GRIA4: variants seen among roughly 807,000 people sequenced by gnomAD.
The protein encoded by GRIA4 is glutamate ionotropic receptor AMPA type subunit 4.
Under a neutral mutation model 104.0 loss-of-function variants are expected in GRIA4, and 34 were observed. The ratio of observed to expected loss-of-function variants is 0.33; its 90% CI spans 0.25 to 0.44. The LOEUF (loss-of-function observed/expected upper bound fraction) is 0.44, where lower values mean the gene tolerates loss of function less well. GRIA4 is among the 20% of genes least tolerant of loss of function. GRIA4 has a pLI of 1.00. For missense variants in GRIA4, 750 were observed against 1,096.5 expected, an observed-to-expected ratio of 0.68 and a Z score of 4.46; for synonymous variants, 386 against 381.9, an observed-to-expected ratio of 1.01 and a Z score of -0.13.
intron 14 of GRIA4, among the ~76,000 whole-genome samples, chr11:105,960,034 G>C (rs1035828074): frequency 6.6e-6 from 1 of 152,236 alleles, no homozygotes; most frequent in African/African-American, 2.4e-5. Context: ...CCTGATGCCA[G>C]TAGGATCGCT....
chr11:105,894,217 T>C (rs532507110), intron 6 of GRIA4, among the ~76,000 whole-genome samples: 2 of 152,288 alleles, frequency 1.3e-5, no homozygotes, highest in South Asian at 4.1e-4. Flanking sequence ...GATATTATGA[T>C]AATTAATAAA....
chr11:105,697,143 A>C (rs550147551), intron 3 of GRIA4, among the ~76,000 whole-genome samples: 55 of 152,148 alleles, frequency 3.6e-4, no homozygotes, highest in Non-Finnish European at 4.7e-4. Flanking sequence ...ATTATTTTCT[A>C]TTATAGAACA....
chr11:105,699,374 C>T (rs967502191), intron 3 of GRIA4, among the ~76,000 whole-genome samples: 3 of 152,130 alleles, frequency 2.0e-5, no homozygotes, highest in African/African-American at 7.2e-5. Context: ...TATACAAGAT[C>T]ACATCACATG....
chr11:105,729,914 G>A (rs1326660667), intron 3 of GRIA4, among the ~76,000 whole-genome samples: 1 of 152,164 alleles, frequency 6.6e-6, no homozygotes, highest in East Asian at 1.9e-4. Context: ...CAAACCCACA[G>A]CCAATATCAT....
intron 14 of GRIA4, among the ~76,000 whole-genome samples, chr11:105,971,158 A>G (rs1225734324): frequency 6.6e-6 from 1 of 152,200 alleles, no homozygotes; most frequent in African/African-American, 2.4e-5. Context: ...CTTAAAGTAC[A>G]TTAATATGCT....
At chr11:105,663,237 TA>T (rs556661992) in intron 3 of GRIA4, among the ~76,000 whole-genome samples, 1 of 151,942 alleles carries the variant, frequency 6.6e-6, no homozygotes, top group Non-Finnish European at 1.5e-5. Flanking sequence ...TCAAGGTTCA[TA>T]ACATTCCTAA....
At chr11:105,879,849 T>C (rs1426927724) in intron 5 of GRIA4, among the ~76,000 whole-genome samples, 1 of 152,168 alleles carries the variant, frequency 6.6e-6, no homozygotes, top group Admixed American at 6.5e-5. Context: ...TTTTCTCTTA[T>C]GAAAGATATA....
chr11:105,635,228 G>T (rs1247255067), intron 3 of GRIA4, among the ~76,000 whole-genome samples: 1 of 151,966 alleles, frequency 6.6e-6, no homozygotes, highest in African/African-American at 2.4e-5. Context: ...TGGTACTGGG[G>T]AAATTAACCT....
At chr11:105,655,512 G>A (rs561238233) in intron 3 of GRIA4, among the ~76,000 whole-genome samples, 32 of 151,824 alleles carry the variant, frequency 2.1e-4, no homozygotes, top group East Asian at 9.8e-4. Flanking sequence ...CAACAGGCCC[G>A]GGTGTGTGAT....
intron 4 of GRIA4, among the ~76,000 whole-genome samples, chr11:105,779,635 TA>T (rs879913123): frequency 0.014 from 1,914 of 135,018 alleles, 17 homozygotes; most frequent in African/African-American, 0.033. Context: ...AAAAGTATAA[TA>T]AAAAAAAAAA....
chr11:105,878,889 A>G (rs1004265739), intron 5 of GRIA4, among the ~76,000 whole-genome samples: 5 of 152,136 alleles, frequency 3.3e-5, no homozygotes, highest in African/African-American at 4.8e-5. Context: ...CCCCCTTTCC[A>G]GAGGAGTAAA....
intron 3 of GRIA4, among the ~76,000 whole-genome samples, chr11:105,686,716 C>A (rs965520797): frequency 1.3e-5 from 2 of 152,214 alleles, no homozygotes; most frequent in African/African-American, 4.8e-5. Context: ...TCTCTTCTCT[C>A]TGTAGCCTCA....
intron 3 of GRIA4, among the ~76,000 whole-genome samples, chr11:105,728,357 C>T (rs1425709597): frequency 2.0e-5 from 3 of 152,124 alleles, no homozygotes; most frequent in African/African-American, 7.2e-5. Context: ...AATACAGAAG[C>T]ATCCAGATTC....
chr11:105,866,001 T>C (rs1945390789), intron 5 of GRIA4, among the ~76,000 whole-genome samples: 1 of 152,184 alleles, frequency 6.6e-6, no homozygotes. Flanking sequence ...ATTATCCCAA[T>C]GGGTAGTTGG....
chr11:105,662,883 A>C (rs955896763), intron 3 of GRIA4, among the ~76,000 whole-genome samples: 1 of 151,900 alleles, frequency 6.6e-6, no homozygotes, highest in Non-Finnish European at 1.5e-5. Context: ...TGTGTTCTTT[A>C]AACTCCATAT....
intron 5 of GRIA4, among the ~76,000 whole-genome samples, chr11:105,884,504 C>T (rs1946182104): frequency 6.6e-6 from 1 of 152,158 alleles, no homozygotes; most frequent in East Asian, 1.9e-4. Context: ...CACAAAGAAA[C>T]TAAGGCAATG....
intron 3 of GRIA4, among the ~76,000 whole-genome samples, chr11:105,723,221 T>G (rs559596001): frequency 2.0e-5 from 3 of 152,094 alleles, no homozygotes; most frequent in Non-Finnish European, 4.4e-5. Flanking sequence ...TTAATCAAAT[T>G]ACGCAATTTT....
chr11:105,841,024 A>C (rs1309725944), intron 4 of GRIA4, among the ~76,000 whole-genome samples: 1 of 152,178 alleles, frequency 6.6e-6, no homozygotes, highest in Non-Finnish European at 1.5e-5. Context: ...TTATTTATTT[A>C]AAAGCCCTAC....
chr11:105,909,133 C>A (rs919471713), intron 9 of GRIA4, among the ~76,000 whole-genome samples: 1 of 152,014 alleles, frequency 6.6e-6, no homozygotes, highest in Non-Finnish European at 1.5e-5. Context: ...AATAAAAAGT[C>A]TTTTTCTCCA....
Sources: allele counts gnomAD v4.1 joint callset (sites outside exome capture counted in the v4.1 genomes callset), GRCh38; gene constraint gnomAD v4.1.1; transcripts MANE v1.5; gene names NCBI Gene and HGNC (gene_info 2026-07-23, HGNC 2026-07-21).